Variants in TSPAN9 observed in about 807,000 individuals in gnomAD.
The protein encoded by TSPAN9 is tetraspanin 9.
Under a neutral mutation model 31.0 loss-of-function variants are expected in TSPAN9, and 16 were observed. The observed-to-expected ratio is 0.52, with a 90% CI of 0.35 to 0.78. The LOEUF is 0.78. TSPAN9 is among the 30% of genes least tolerant of loss of function. The pLI is 0.01. For synonymous variants in TSPAN9, 145 were observed against 121.6 expected, an observed-to-expected ratio of 1.19 and a Z score of -1.27; for missense variants, 272 against 312.5, an observed-to-expected ratio of 0.87 and a Z score of 0.98.
At chr12:3,184,575 A>T (rs1408212506) in intron 2 of TSPAN9, among the ~76,000 whole-genome samples, 1 of 152,038 alleles carries the variant, frequency 6.6e-6, no homozygotes, top group African/African-American at 2.4e-5. Context: ...GCAAGGGGAA[A>T]GGTAGCAGGG....
At chr12:3,102,703 C>T (rs1368697157) in intron 2 of TSPAN9, among the ~76,000 whole-genome samples, 34 of 152,232 alleles carry the variant, frequency 2.2e-4, no homozygotes, top group Non-Finnish European at 2.4e-4. Flanking sequence ...TTCCAAAGTG[C>T]TGGGATTACA....
At chr12:3,234,001 T>G (rs1028355872) in intron 3 of TSPAN9, among the ~76,000 whole-genome samples, 2 of 152,224 alleles carry the variant, frequency 1.3e-5, no homozygotes, top group Admixed American at 1.3e-4. Flanking sequence ...ATAGCAGAGT[T>G]ACTTTACACA....
At chr12:3,181,069 G>T (rs570682808) in intron 2 of TSPAN9, among the ~76,000 whole-genome samples, 4 of 151,994 alleles carry the variant, frequency 2.6e-5, no homozygotes, top group South Asian at 4.2e-4. Flanking sequence ...AAAGATGGGT[G>T]GGGGGGATGT....
chr12:3,095,568 A>T (rs1174857777), intron 2 of TSPAN9, among the ~76,000 whole-genome samples: 16 of 105,132 alleles, frequency 1.5e-4, no homozygotes, highest in East Asian at 3.1e-4. Context: ...ACTTCCCAGT[A>T]GGGGCGGCCG....
chr12:3,240,555 C>G (rs3825355), intron 3 of TSPAN9, among the ~76,000 whole-genome samples: 2 of 152,092 alleles, frequency 1.3e-5, no homozygotes, highest in Admixed American at 1.3e-4. Context: ...AGGCCAGGAT[C>G]TGAATCCGGG....
chr12:3,173,326 C>T (rs184271808), intron 2 of TSPAN9: 12 of 152,496 alleles, frequency 7.9e-5, no homozygotes, highest in East Asian at 1.9e-4. Flanking sequence ...CCTTGCCGTC[C>T]GCTGGGTCTC....
rs1431142012 is a variant in TSPAN9, at chr12:3,152,818, C to A, written c.-17-48359C>A. Among the ~76,000 whole-genome samples, 3 of 152,320 alleles carry A rather than the reference C, an allele frequency of 2.0e-5. No homozygotes were observed. In the East Asian group the frequency reaches 5.8e-4, roughly 29 times the overall value. On this transcript the variant is annotated intron_variant, in intron 2 of 8. Transcript: ENST00000011898. Reference sequence around the variant, plus strand: ...GGCCAGGCTGGTCTTGAACTCCTGACCTCAGGTGATCCACCCGCCTTGGCC... The same window carrying A: ...GGCCAGGCTGGTCTTGAACTCCTGAACTCAGGTGATCCACCCGCCTTGGCC...
intron 2 of TSPAN9, among the ~76,000 whole-genome samples, chr12:3,090,166 G>A (rs897729737): frequency 1.3e-5 from 2 of 152,074 alleles, no homozygotes; most frequent in South Asian, 2.1e-4. Flanking sequence ...TGTTTTGCCC[G>A]TTCTTTAGGC....
At chr12:3,136,546 A>G (rs555275862) in intron 2 of TSPAN9, among the ~76,000 whole-genome samples, 30 of 152,330 alleles carry the variant, frequency 2.0e-4, no homozygotes, top group Non-Finnish European at 3.7e-4. Flanking sequence ...AAACCCTGTC[A>G]TTAGATTCTG....
At chr12:3,108,374 T>C (rs985821808) in intron 2 of TSPAN9, among the ~76,000 whole-genome samples, 13 of 152,236 alleles carry the variant, frequency 8.5e-5, no homozygotes, top group Admixed American at 8.5e-4. Context: ...TGCAAAGCAT[T>C]GCTTAATTTT....
intron 2 of TSPAN9, among the ~76,000 whole-genome samples, chr12:3,106,772 A>G (rs1424694995): frequency 7.2e-6 from 1 of 138,626 alleles, no homozygotes; most frequent in Admixed American, 6.9e-5. Context: ...CCCTGTCTCG[A>G]CAAAACAAAA....
chr12:3,277,850 C>T (rs1289367179), intron 3 of TSPAN9, among the ~76,000 whole-genome samples: 2 of 152,366 alleles, frequency 1.3e-5, no homozygotes, highest in African/African-American at 4.8e-5. Context: ...CGATGACTGC[C>T]TCCTTTCTCC....
Position 3,279,016 on chromosome 12 carries a change from C to T in TSPAN9, c.280C>T (p.Leu94Phe). 1.2e-6 allele frequency: 2 copies of T among 1,614,172 alleles called. No homozygotes were observed. The highest frequency in any genetic ancestry group is 2.2e-5 in the South Asian group (2 of 91,076). ...GTTTTTCATCGTCCTGTTGGTCATC[C>T]TCCTAGCAGAGCTGATCTTACTCAT... Reference protein sequence around the residue: ...LSFFIVLLVILLAELILLILF... With the variant: ...LSFFIVLLVIFLAELILLILF... Residue 94 changes from leucine (L) to phenylalanine (F), a missense_variant, in exon 5 of 9, where the codon CTC becomes TTC. Transcript: ENST00000011898.
At chr12:3,165,695 G>A (rs7976455) in intron 2 of TSPAN9, among the ~76,000 whole-genome samples, 216 of 152,290 alleles carry the variant, frequency 1.4e-3, no homozygotes, top group African/African-American at 4.8e-3. Flanking sequence ...TCAAGGCCGC[G>A]AGTGAGCTGT....
chr12:3,222,391 G>T (rs1195844402), intron 3 of TSPAN9, among the ~76,000 whole-genome samples: 1 of 152,206 alleles, frequency 6.6e-6, no homozygotes, highest in African/African-American at 2.4e-5. Flanking sequence ...GACGGTGGTG[G>T]TAGCAGAGGG....
intron 3 of TSPAN9, among the ~76,000 whole-genome samples, chr12:3,268,830 A>T (rs367982010): frequency 1.9e-5 from 1 of 53,908 alleles, no homozygotes. Flanking sequence ...CCCTCCGTGC[A>T]TTCCTGCAGC....
intron 3 of TSPAN9, among the ~76,000 whole-genome samples, chr12:3,249,374 C>G (rs897201267): frequency 3.3e-4 from 50 of 152,216 alleles, no homozygotes; most frequent in African/African-American, 1.1e-3. Context: ...GCCCACCATT[C>G]TCTCCAGATC....
At chr12:3,219,893 G>T (rs933193008) in intron 3 of TSPAN9, among the ~76,000 whole-genome samples, 1 of 147,336 alleles carries the variant, frequency 6.8e-6, no homozygotes, top group Non-Finnish European at 1.5e-5. Flanking sequence ...TGTGGCCCAC[G>T]CCGGTAATCC....
chr12:3,256,662 C>T (rs1472707592), intron 3 of TSPAN9, among the ~76,000 whole-genome samples: 1 of 152,154 alleles, frequency 6.6e-6, no homozygotes, highest in Non-Finnish European at 1.5e-5. Flanking sequence ...GATAAGCTCC[C>T]CAGCGGCGCC....
Sources: allele counts gnomAD v4.1 joint callset (sites outside exome capture counted in the v4.1 genomes callset), GRCh38; gene constraint gnomAD v4.1.1; transcripts MANE v1.5; gene names NCBI Gene and HGNC (gene_info 2026-07-23, HGNC 2026-07-21).